The following UBE2N variants were observed in gnomAD, a reference collection of about 807,000 sequenced individuals.
The protein encoded by UBE2N is ubiquitin-conjugating enzyme E2 N.
For missense variants in UBE2N, 60 were observed against 192.1 expected (o/e 0.31, Z 4.07); for synonymous variants, 70 against 69.2 (o/e 1.01, Z -0.06).
chr12:93,414,448 CAAAAAAA>C (rs398020640), intron 1 of UBE2N, among the ~76,000 whole-genome samples: 26 of 73,994 alleles, frequency 3.5e-4, no homozygotes, highest in Admixed American at 2.7e-3. Context: ...AGCTCCGTCT[CAAAAAAA>C]AAAAAAAAAA....
At position 93,408,939 on chromosome 12, in the gene UBE2N, T is replaced by A. The variant is rs1292322110; in HGVS notation, c.*1100A>T. Reference sequence around the variant, plus strand: ...CAGATAAGAACCAAGAAAAATGTCATAACCCAAATTTTAGGCAAAAATGTG... The same window carrying A: ...CAGATAAGAACCAAGAAAAATGTCAAAACCCAAATTTTAGGCAAAAATGTG... On this transcript the variant is annotated 3_prime_UTR_variant, in exon 4 of 4. Transcript: ENST00000318066. The A allele has an allele frequency of 6.5e-6, 1 of 152,776 alleles. No individual in the cohort carries two copies. Among genetic ancestry groups the A allele is most frequent in the Non-Finnish European group, 1.5e-5 (1 of 68,036 alleles). The allele number at this position is 152,776 out of a possible 1,614,324, so 9.5% of individuals were successfully genotyped here.
At chr12:93,435,620 C>G (rs1256091548) in intron 1 of UBE2N, among the ~76,000 whole-genome samples, 6 of 152,092 alleles carry the variant, frequency 3.9e-5, no homozygotes, top group African/African-American at 9.7e-5. Context: ...AGCAAGACTC[C>G]CGTCTCAAAT....
At chr12:93,413,258 T>A (rs1878085748) in intron 1 of UBE2N, among the ~76,000 whole-genome samples, 1 of 152,222 alleles carries the variant, frequency 6.6e-6, no homozygotes, top group South Asian at 2.1e-4. Flanking sequence ...CTCATGGCTC[T>A]CTTCCTCCTT....
At chr12:93,436,752 T>G (rs1212937379) in intron 1 of UBE2N, among the ~76,000 whole-genome samples, 1 of 152,160 alleles carries the variant, frequency 6.6e-6, no homozygotes, top group Non-Finnish European at 1.5e-5. Context: ...TGAACCACCA[T>G]GCCCAGCTTC....
intron 1 of UBE2N, among the ~76,000 whole-genome samples, chr12:93,439,695 C>T (rs73366080): frequency 6.6e-6 from 1 of 151,892 alleles, no homozygotes; most frequent in African/African-American, 2.4e-5. Flanking sequence ...TATGGAACAA[C>T]CTACATAACA....
At chr12:93,434,704 C>G (rs1356766369) in intron 1 of UBE2N, among the ~76,000 whole-genome samples, 6 of 152,082 alleles carry the variant, frequency 3.9e-5, no homozygotes, top group African/African-American at 1.2e-4. Flanking sequence ...TCTGAATCCC[C>G]AGAAGTCATA....
intron 1 of UBE2N, among the ~76,000 whole-genome samples, chr12:93,418,786 G>A (rs983557743): frequency 6.6e-6 from 1 of 152,106 alleles, no homozygotes; most frequent in Non-Finnish European, 1.5e-5. Context: ...ATCTAAAAAT[G>A]TATTCAAAAT....
chr12:93,419,331 AGTGAGCCGAGATCGT>A (rs1158335099), intron 1 of UBE2N, among the ~76,000 whole-genome samples: 3 of 152,056 alleles, frequency 2.0e-5, no homozygotes, highest in Non-Finnish European at 4.4e-5. Context: ...CGGAGGTTGC[AGTGAGCCGAGATCGT>A]GCCACTGCAC....
At chr12:93,439,185 C>A (rs74407312) in intron 1 of UBE2N, among the ~76,000 whole-genome samples, 1 of 152,190 alleles carries the variant, frequency 6.6e-6, no homozygotes, top group East Asian at 1.9e-4. Context: ...TAAATTTCAT[C>A]CTTTGAAAGT....
rs141373675 is a variant in UBE2N at position 93,421,424 on chromosome 12, G to A, written c.31-10125C>T. On this transcript the variant is annotated intron_variant, in intron 1 of 3. Transcript: ENST00000318066. ...TCACCGTGTTAGCCAGGATGGTCTCGATCTCCTGACCTCGTGATCTGCCGG... is the reference window on the plus strand; with the variant it reads ...TCACCGTGTTAGCCAGGATGGTCTCAATCTCCTGACCTCGTGATCTGCCGG... 5.7e-3 allele frequency among the ~76,000 whole-genome samples: 871 copies of A among 152,140 alleles called. 2 individuals carry two copies. The highest frequency in any genetic ancestry group is 8.7e-3 in the Non-Finnish European group (590 of 68,012).
intron 1 of UBE2N, among the ~76,000 whole-genome samples, chr12:93,421,593 T>C (rs1320509138): frequency 6.6e-6 from 1 of 152,194 alleles, no homozygotes; most frequent in African/African-American, 2.4e-5. Flanking sequence ...CGTGAAGTGG[T>C]GCTTCATGAA....
At chr12:93,419,122 G>A (rs979706804) in intron 1 of UBE2N, among the ~76,000 whole-genome samples, 1 of 152,288 alleles carries the variant, frequency 6.6e-6, no homozygotes, top group African/African-American at 2.4e-5. Flanking sequence ...ATGTCAGGCC[G>A]GGCGTGGTGT....
Position 93,409,350 on chromosome 12 carries a change from G to A in UBE2N, c.*689C>T, listed in dbSNP as rs951282311. ...AACACAGTAAAATAAACTGTACAAA[G>A]GCAAAGTAGAATAACAAAAAATATT... On this transcript the variant is annotated 3_prime_UTR_variant, in exon 4 of 4. Coordinates refer to ENST00000318066, the MANE Select transcript of UBE2N (RefSeq NM_003348.4). 6.1e-6 allele frequency: 1 copy of A among 162,708 alleles called. No individual in the cohort carries two copies. The highest frequency in any genetic ancestry group is 1.5e-5 in the Non-Finnish European group (1 of 68,078). The allele number at this position is 162,708 out of a possible 1,614,324, so 10.1% of individuals were successfully genotyped here. A position where few individuals can be genotyped will look rare whatever the true frequency, so the allele number is the denominator to read the frequency against.
At chr12:93,433,598 A>T (rs1246718507) in intron 1 of UBE2N, among the ~76,000 whole-genome samples, 1 of 152,146 alleles carries the variant, frequency 6.6e-6, no homozygotes, top group Non-Finnish European at 1.5e-5. Flanking sequence ...CCTTGATATA[A>T]TATTATTACA....
chr12:93,423,351 G>A (rs1476077887), intron 1 of UBE2N, among the ~76,000 whole-genome samples: 1 of 152,196 alleles, frequency 6.6e-6, no homozygotes, highest in Non-Finnish European at 1.5e-5. Flanking sequence ...AGGAAGTGAA[G>A]AAAAGGTTAA....
intron 1 of UBE2N, among the ~76,000 whole-genome samples, chr12:93,415,416 T>C (rs943036535): frequency 6.6e-6 from 1 of 152,198 alleles, no homozygotes; most frequent in African/African-American, 2.4e-5. Context: ...TTAAGACTAG[T>C]TTTTTGTTTT....
chr12:93,432,119 C>T (rs1258366982), intron 1 of UBE2N, among the ~76,000 whole-genome samples: 3 of 152,128 alleles, frequency 2.0e-5, no homozygotes, highest in Non-Finnish European at 4.4e-5. Flanking sequence ...GTAATCCCAG[C>T]TACTCAGGAG....
rs887877608 is a variant in UBE2N, at chr12:93,406,342, T to A, written c.*3697A>T. 6.9e-6 allele frequency: 1 copy of A among 145,360 alleles called. No homozygotes were observed. The highest frequency in any genetic ancestry group is 3.7e-3 in the Middle Eastern group (1 of 272). 9.0% of individuals were successfully genotyped at this position (145,360 alleles called of 1,614,324 possible). ...CATTCAACAGAAAAATGAGGCCTAT[T>A]CCTATCATTTCCTCGATCCAATTTA... On this transcript the variant is annotated 3_prime_UTR_variant, in exon 4 of 4. Coordinates refer to ENST00000318066, the MANE Select transcript of UBE2N (RefSeq NM_003348.4).
In UBE2N at chr12:93,431,568, T is replaced by C. The variant is rs555479465; in HGVS notation, c.30+10287A>G. Among the ~76,000 whole-genome samples the C allele has an allele frequency of 6.6e-5, 10 of 152,194 alleles. No individual in the cohort carries two copies. The East Asian group carries it at 1.9e-3, about 29-fold the overall frequency. ...AATGCACGTAACATGCTTAGAACAG[T>C]GCCTGGTACACGATGCCAATGAAAG... On this transcript the variant is annotated intron_variant, in intron 1 of 3. Coordinates refer to ENST00000318066, the MANE Select transcript of UBE2N (RefSeq NM_003348.4).
Sources: allele counts gnomAD v4.1 joint callset (sites outside exome capture counted in the v4.1 genomes callset), GRCh38; gene constraint gnomAD v4.1.1; transcripts MANE v1.5; gene names NCBI Gene and HGNC (gene_info 2026-07-23, HGNC 2026-07-21).